RBP5: variants seen among roughly 807,000 people sequenced by gnomAD.
RBP5 encodes the protein retinol binding protein 5.
RBP5 carries 12 observed loss-of-function variants against 17.8 expected under a neutral mutation model. The ratio of observed to expected loss-of-function variants is 0.67; its 90% CI spans 0.43 to 1.09. The LOEUF is 1.09. RBP5 is among the 50% of genes least tolerant of loss of function. The pLI, the probability that RBP5 is intolerant of heterozygous loss-of-function variation, is 0.00. For synonymous variants in RBP5, 64 were observed against 68.1 expected (o/e 0.94, Z 0.30); for missense variants, 172 against 169.4 (o/e 1.02, Z -0.09).
downstream of RBP5, chr12:7,123,605 G>C (rs1185969838): frequency 6.4e-6 from 1 of 155,298 alleles, no homozygotes; most frequent in Non-Finnish European, 1.4e-5. Flanking sequence ...CTGTGTGTGG[G>C]GGGCTGTGTC....
intron 2 of RBP5, among the ~76,000 whole-genome samples, chr12:7,125,172 G>T (rs1357389380): frequency 6.6e-6 from 1 of 152,164 alleles, no homozygotes; most frequent in Admixed American, 6.5e-5. Context: ...TTCCTAAAGT[G>T]CTGTGACTAT....
Position 7,124,669 on chromosome 12 carries a change from C to T in RBP5, c.314G>A (p.Arg105Gln), listed in dbSNP as rs777122484. Reference sequence around the variant, plus strand: ...TCCCTCCAGCCAGTGTCTCCAGCCCCGGTTGGGGACCTCCCCTTTCTGCAC... The same window carrying T: ...TCCCTCCAGCCAGTGTCTCCAGCCCTGGTTGGGGACCTCCCCTTTCTGCAC... ...VCVQKGEVPN[R>Q]GWRHWLEGEM... The change falls in exon 3 of 4, where the codon CGG (arginine) becomes CAG (glutamine). Residue 105 changes from arginine (R) to glutamine (Q), a missense_variant. Arg to Gln is a conservative substitution (Grantham distance 43). Transcript: ENST00000266560. The surrounding 1 kb of genome is among the most constrained non-coding windows in gnomAD (Gnocchi z 5.3). 36 of 1,613,090 alleles carry T rather than the reference C, an allele frequency of 2.2e-5. No individual in the cohort carries two copies. Among genetic ancestry groups the T allele is most frequent in the South Asian group, 1.4e-4 (13 of 91,066 alleles).
chr12:7,126,778 A>C (rs1939173227), intron 2 of RBP5, among the ~76,000 whole-genome samples: 2 of 152,084 alleles, frequency 1.3e-5, no homozygotes, highest in Admixed American at 1.3e-4. Flanking sequence ...TAGTATCTGT[A>C]GAGAAACTAC....
In RBP5 at chr12:7,123,978, G is replaced by A; in HGVS notation, c.*143C>T. 4 of 735,798 alleles carry A rather than the reference G, an allele frequency of 5.4e-6. No individual in the cohort carries two copies. The highest frequency in any genetic ancestry group is 1.6e-5 in the South Asian group (1 of 64,278). The allele number at this position is 735,798 out of a possible 1,614,324, so 45.6% of individuals were successfully genotyped here. A position where few individuals can be genotyped will look rare whatever the true frequency, so the allele number is the denominator to read the frequency against. ...GGGGCTGCAAGTTACAGATTAACACGGGGAGGGGTGAGGAGGGACCCAGAG... is the reference window on the plus strand; with the variant it reads ...GGGGCTGCAAGTTACAGATTAACACAGGGAGGGGTGAGGAGGGACCCAGAG... On this transcript the variant is annotated 3_prime_UTR_variant, in exon 4 of 4. Coordinates refer to ENST00000266560, the MANE Select transcript of RBP5 (RefSeq NM_031491.4).
In RBP5 at chr12:7,128,810, C is replaced by A; in HGVS notation, c.-35G>T. The A allele has an allele frequency of 2.0e-6, 3 of 1,533,742 alleles. No homozygotes were observed. The highest frequency in any genetic ancestry group is 2.7e-6 in the Non-Finnish European group (3 of 1,123,476). Reference sequence around the variant, plus strand: ...GAAGGTTTCAGGAGAATGCAGGAGACAGGGTGAGGAAGGAGGGGGTGTTGT... The same window carrying A: ...GAAGGTTTCAGGAGAATGCAGGAGAAAGGGTGAGGAAGGAGGGGGTGTTGT... On this transcript the variant is annotated 5_prime_UTR_variant, in exon 1 of 4. Coordinates refer to ENST00000266560, the MANE Select transcript of RBP5 (RefSeq NM_031491.4). The surrounding 1 kb of genome is among the most constrained non-coding windows in gnomAD (Gnocchi z 5.3).
At chr12:7,126,516 T>TGGTG (rs1565645348) in intron 2 of RBP5, among the ~76,000 whole-genome samples, 49 of 92,636 alleles carry the variant, frequency 5.3e-4, no homozygotes, top group African/African-American at 7.8e-4. Flanking sequence ...TGGTGGTGTG[T>TGGTG]GTGTGTGTGT....
intron 2 of RBP5, among the ~76,000 whole-genome samples, chr12:7,126,556 T>TGTGTGTGC (rs1421519261): frequency 6.9e-6 from 1 of 145,650 alleles, no homozygotes; most frequent in African/African-American, 2.6e-5. Flanking sequence ...TGTGTGTGTG[T>TGTGTGTGC]GTGCTGGGAG....
upstream of RBP5, chr12:7,128,974 T>G: frequency 1.7e-6 from 1 of 571,696 alleles, no homozygotes; most frequent in Non-Finnish European, 3.3e-6. This position sits in a 1 kb window ranked among gnomAD's most constrained non-coding sequence, Gnocchi z 5.3. Flanking sequence ...CCTCCCCGCA[T>G]GGTGAGTTTG....
downstream of RBP5, among the ~76,000 whole-genome samples, chr12:7,121,501 C>T (rs11053784): frequency 0.072 from 11,006 of 152,114 alleles, 483 homozygotes; most frequent in East Asian, 0.17. Flanking sequence ...AGGTGGAGGC[C>T]GAGGGGAGAG....
chr12:7,122,964 G>T (rs966856605), downstream of RBP5, among the ~76,000 whole-genome samples: 8 of 152,142 alleles, frequency 5.3e-5, no homozygotes, highest in African/African-American at 9.7e-5. Context: ...GTGTGCATGG[G>T]GGGGCCAGCC....
chr12:7,124,706 GCTC>G lies in RBP5; in HGVS notation c.274_276del (p.Glu92del). 6.2e-7 allele frequency: 1 copy of G among 1,611,828 alleles called. No homozygotes were observed. The highest frequency in any genetic ancestry group is 8.5e-7 in the Non-Finnish European group (1 of 1,178,062). On this transcript the variant is annotated inframe_deletion, in exon 3 of 4. Transcript: ENST00000266560. This position sits in a 1 kb window ranked among gnomAD's most constrained non-coding sequence, Gnocchi z 5.3. ...TCCCCTTTCTGCACACACACCAGGT[GCTC>G]CTCCTCCCAGGTTACTATGGTCTAT...
In RBP5 at chr12:7,124,974, T is replaced by C. The variant is rs1220332938; in HGVS notation, c.253-244A>G. ...CAGGCTGGAGTGCAGTGGCAGGATC[T>C]CGGCTCACTGCAACCTCTGCCTCCT... On this transcript the variant is annotated intron_variant, in intron 2 of 3. Transcript: ENST00000266560. The surrounding 1 kb of genome is among the most constrained non-coding windows in gnomAD (Gnocchi z 5.3). Among the ~76,000 whole-genome samples, 3 of 152,192 alleles carry C rather than the reference T, an allele frequency of 2.0e-5. No homozygotes were observed. Among genetic ancestry groups the C allele is most frequent in the African/African-American group, 7.2e-5 (3 of 41,440 alleles).
Position 7,128,838 on chromosome 12 carries a change from G to T in RBP5, c.-63C>A. On this transcript the variant is annotated 5_prime_UTR_variant, in exon 1 of 4. Coordinates refer to ENST00000266560, the MANE Select transcript of RBP5 (RefSeq NM_031491.4). This position sits in a 1 kb window ranked among gnomAD's most constrained non-coding sequence, Gnocchi z 5.3. ...GGTGAGGAAGGAGGGGGTGTTGTCTGGCAGGTGAGGCTGAGAGATTCCAGC... is the reference window on the plus strand; with the variant it reads ...GGTGAGGAAGGAGGGGGTGTTGTCTTGCAGGTGAGGCTGAGAGATTCCAGC... 1.5e-6 allele frequency: 2 copies of T among 1,301,124 alleles called. No individual in the cohort carries two copies. Among genetic ancestry groups the T allele is most frequent in the South Asian group, 1.3e-5 (1 of 79,066 alleles). 80.6% of individuals were successfully genotyped at this position (1,301,124 alleles called of 1,614,324 possible). A position where few individuals can be genotyped will look rare whatever the true frequency, so the allele number is the denominator to read the frequency against.
upstream of RBP5, chr12:7,129,545 T>C (rs1939238832): frequency 1.1e-6 from 1 of 906,852 alleles, no homozygotes; most frequent in African/African-American, 1.8e-5. This position sits in a 1 kb window ranked among gnomAD's most constrained non-coding sequence, Gnocchi z 5.5. Flanking sequence ...TCTTTTTGGC[T>C]TGGGACCCAG....
downstream of RBP5, chr12:7,120,531 T>C: frequency 6.4e-6 from 1 of 155,828 alleles, no homozygotes; most frequent in Middle Eastern, 5.2e-4. Context: ...CCACCAGATC[T>C]CCTCACCTCT....
intron 2 of RBP5, among the ~76,000 whole-genome samples, chr12:7,125,233 G>C (rs1230926913): frequency 6.6e-6 from 1 of 152,134 alleles, no homozygotes; most frequent in East Asian, 1.9e-4. Context: ...CACCGAGGGG[G>C]GCCCAAAGTT....
At chr12:7,118,410 A>AG (rs1939033404) in intron 3 of RBP5, 2 of 152,162 alleles carry the variant, frequency 1.3e-5, no homozygotes, top group African/African-American at 4.8e-5. Context: ...GAAGTGAAAG[A>AG]ATTCGCCTGA....
At chr12:7,129,139 C>G, upstream of RBP5, 1 of 313,482 alleles carries the variant, frequency 3.2e-6, no homozygotes, top group South Asian at 3.0e-5. The surrounding 1 kb of genome is among the most constrained non-coding windows in gnomAD (Gnocchi z 5.5). Context: ...ACTCAGCCAT[C>G]CAAAGGTCAG....
chr12:7,118,363 G>C (rs1234201107), intron 3 of RBP5: 1 of 152,376 alleles, frequency 6.6e-6, no homozygotes, highest in Non-Finnish European at 1.5e-5. Context: ...ACAGAAGGTG[G>C]ATCGGGACCA....
Sources: allele counts gnomAD v4.1 joint callset (sites outside exome capture counted in the v4.1 genomes callset), GRCh38; gene constraint gnomAD v4.1.1; non-coding constraint Gnocchi (gnomAD v3.1); transcripts MANE v1.5; gene names NCBI Gene and HGNC (gene_info 2026-07-23, HGNC 2026-07-21).